Variants in XRCC4 observed in about 807,000 individuals in gnomAD.
XRCC4 encodes X-ray repair cross complementing 4.
Under a neutral mutation model 39.1 loss-of-function variants are expected in XRCC4, and 28 were observed. The observed-to-expected ratio is 0.72, with a 90% CI of 0.53 to 0.98. The LOEUF (loss-of-function observed/expected upper bound fraction) is 0.98, where lower values mean the gene tolerates loss of function less well. Ranked by LOEUF, XRCC4 falls within the 50% of genes least tolerant of loss-of-function variation. XRCC4 has a pLI of 0.00. For missense variants in XRCC4, 350 were observed against 376.4 expected (o/e 0.93, Z 0.58); for synonymous variants, 123 against 126.4 (o/e 0.97, Z 0.18).
At chr5:83,260,833 G>A (rs1377196722) in intron 7 of XRCC4, among the ~76,000 whole-genome samples, 2 of 151,992 alleles carry the variant, frequency 1.3e-5, no homozygotes, top group Admixed American at 1.3e-4. Context: ...AACCATATCA[G>A]CTTTGGTAAC....
intron 3 of XRCC4, among the ~76,000 whole-genome samples, chr5:83,143,939 G>A (rs565951250): frequency 6.6e-6 from 1 of 151,976 alleles, no homozygotes; most frequent in African/African-American, 2.4e-5. Flanking sequence ...TAGGGTACAG[G>A]TGGTTTTTGG....
intron 7 of XRCC4, among the ~76,000 whole-genome samples, chr5:83,331,065 T>C (rs1756423650): frequency 6.6e-6 from 1 of 152,112 alleles, no homozygotes. Context: ...TCTAGTCATC[T>C]CTGATGCTGT....
At chr5:83,283,892 T>C (rs1454064147) in intron 7 of XRCC4, among the ~76,000 whole-genome samples, 1 of 152,056 alleles carries the variant, frequency 6.6e-6, no homozygotes, top group Admixed American at 6.5e-5. Flanking sequence ...GACTTTCCCA[T>C]GGTTTCTTTC....
chr5:83,218,605 A>C (rs1294060153), intron 6 of XRCC4, among the ~76,000 whole-genome samples: 1 of 150,118 alleles, frequency 6.7e-6, no homozygotes, highest in Non-Finnish European at 1.5e-5. Flanking sequence ...GAAAATGGTT[A>C]AAAAACGATG....
chr5:83,320,616 A>G (rs985593943), intron 7 of XRCC4, among the ~76,000 whole-genome samples: 2 of 151,736 alleles, frequency 1.3e-5, no homozygotes, highest in Non-Finnish European at 2.9e-5. Flanking sequence ...CAGTGTCATG[A>G]ACTTCATTGT....
chr5:83,256,796 A>G (rs1412072236), intron 6 of XRCC4, among the ~76,000 whole-genome samples: 1 of 152,192 alleles, frequency 6.6e-6, no homozygotes, highest in African/African-American at 2.4e-5. Context: ...TAATTTACCA[A>G]CTAGGAAAAA....
In XRCC4 at chr5:83,224,341, A is replaced by C. The variant is rs111888889; in HGVS notation, c.745+19420A>C. On this transcript the variant is annotated intron_variant, in intron 6 of 7. Transcript: ENST00000396027. ...TTTGCATAAAACATCTTATACTTCT[A>C]ACAGTTTACTTTAAGCTGGTAGCAG... Among the ~76,000 whole-genome samples the C allele has an allele frequency of 4.5e-3, 682 of 152,172 alleles. 2 individuals are homozygous for C. The highest frequency in any genetic ancestry group is 0.016 in the African/African-American group (651 of 41,530).
rs559867633 is a variant in XRCC4, at chr5:83,323,489, A to G, written c.894-29642A>G. Among the ~76,000 whole-genome samples the G allele has an allele frequency of 2.5e-3, 386 of 152,222 alleles. 3 individuals are homozygous for G. Among genetic ancestry groups the G allele is most frequent in the Middle Eastern group, 3.4e-3 (1 of 292 alleles). On this transcript the variant is annotated intron_variant, in intron 7 of 7. Transcript: ENST00000396027. Reference sequence around the variant, plus strand: ...ACAGTACCATACTTTAATCAGTTGGAGAGAAATTATTTATTCTAGTTATAA... The same window carrying G: ...ACAGTACCATACTTTAATCAGTTGGGGAGAAATTATTTATTCTAGTTATAA...
At chr5:83,309,296 A>AAAAAAATATATATATATATATATATAT (rs1561467702) in intron 7 of XRCC4, among the ~76,000 whole-genome samples, 1 of 72,216 alleles carries the variant, frequency 1.4e-5, no homozygotes, top group Non-Finnish European at 2.1e-5. Flanking sequence ...AAAAAAAAAA[A>AAAAAAATATATATATATATATATATAT]ATATATATAT....
At chr5:83,182,797 A>G (rs529452737) in intron 3 of XRCC4, among the ~76,000 whole-genome samples, 3 of 152,266 alleles carry the variant, frequency 2.0e-5, no homozygotes, top group Non-Finnish European at 4.4e-5. Context: ...TTCTCCTGTC[A>G]TCCTGTGTGG....
the XRCC4 span, among the ~76,000 whole-genome samples, chr5:83,369,187 A>G: frequency 6.6e-6 from 1 of 152,162 alleles, no homozygotes; most frequent in Non-Finnish European, 1.5e-5. Flanking sequence ...CGGGACCTTC[A>G]CTGCAAATGG....
At chr5:83,282,014 G>A (rs3734088) in intron 7 of XRCC4, among the ~76,000 whole-genome samples, 5,957 of 152,264 alleles carry the variant, frequency 0.039, 133 homozygotes, top group East Asian at 0.11. Flanking sequence ...GCTTCAAGGA[G>A]GGCATTTATT....
intron 6 of XRCC4, among the ~76,000 whole-genome samples, chr5:83,205,254 A>G (rs1477764559): frequency 3.9e-5 from 6 of 152,138 alleles, no homozygotes; most frequent in Non-Finnish European, 5.9e-5. Context: ...GGTTGCCTTT[A>G]ACATTTGAGA....
chr5:83,231,541 T>C (rs953617905), intron 6 of XRCC4, among the ~76,000 whole-genome samples: 1 of 152,130 alleles, frequency 6.6e-6, no homozygotes, highest in African/African-American at 2.4e-5. Flanking sequence ...AATCATTTTA[T>C]CTGCCATGTT....
intron 1 of XRCC4, among the ~76,000 whole-genome samples, chr5:83,091,311 A>G (rs1745415579): frequency 6.6e-6 from 1 of 152,198 alleles, no homozygotes; most frequent in Non-Finnish European, 1.5e-5. Flanking sequence ...ACATGGTGGC[A>G]GGTGAGAGAG....
rs1048566076 is a variant in XRCC4, at chr5:83,302,289, C to T, written c.893+43612C>T. Among the ~76,000 whole-genome samples the T allele has an allele frequency of 1.1e-4, 16 of 151,948 alleles. No homozygotes were observed. In the East Asian group the frequency reaches 2.9e-3, roughly 28 times the overall value. The stretch of plus-strand genomic sequence containing the variant: ...AAAAAAAAATAGCTTGGTGTCTGCT[C>T]ACATGACCACCCAGTTTTATGCTTC... On this transcript the variant is annotated intron_variant, in intron 7 of 7. Transcript: ENST00000396027.
At position 83,173,042 on chromosome 5, in the gene XRCC4, A is replaced by G. The variant is rs796126933; in HGVS notation, c.316-22728A>G. On this transcript the variant is annotated intron_variant, in intron 3 of 7. Coordinates refer to ENST00000396027, the MANE Select transcript of XRCC4 (RefSeq NM_003401.5). ...TCAGATATTGTTCCAGGATTTCTTT[A>G]TTTTGTTATTTATAATATGAAATCC... 1.5e-4 allele frequency among the ~76,000 whole-genome samples: 23 copies of G among 152,160 alleles called. No homozygotes were observed. In the South Asian group the frequency reaches 3.7e-3, roughly 25 times the overall value.
At chr5:83,271,811 TGAAATG>T (rs1395680541) in intron 7 of XRCC4, among the ~76,000 whole-genome samples, 10 of 152,052 alleles carry the variant, frequency 6.6e-5, no homozygotes, top group African/African-American at 2.4e-4. Context: ...GGAGTGAAAA[TGAAATG>T]GGAAACATAT....
At chr5:83,310,018 C>G (rs184272957) in intron 7 of XRCC4, among the ~76,000 whole-genome samples, 1 of 151,950 alleles carries the variant, frequency 6.6e-6, no homozygotes, top group African/African-American at 2.4e-5. Flanking sequence ...AATTAACTAC[C>G]GGTGAATATA....
Sources: gnomAD v4.1 joint callset for allele counts (sites outside exome capture counted in the v4.1 genomes callset) on GRCh38, gnomAD v4.1.1 for gene constraint, MANE v1.5 for transcripts, NCBI Gene and HGNC (gene_info 2026-07-23, HGNC 2026-07-21) for gene names.